Variants in KAZN observed in about 807,000 individuals in gnomAD.
KAZN encodes kazrin.
A neutral mutation model predicts 87.4 loss-of-function variants in KAZN; 40 were observed. The ratio of observed to expected loss-of-function variants is 0.46; its 90% CI spans 0.36 to 0.60. KAZN has a LOEUF of 0.60. Among genes scored for constraint, KAZN ranks in the 20% least tolerant of loss-of-function variants. The pLI is 0.00. For missense variants in KAZN, 898 were observed against 1,073.9 expected, an observed-to-expected ratio of 0.84 and a Z score of 2.29; for synonymous variants, 466 against 458.3, an observed-to-expected ratio of 1.02 and a Z score of -0.22.
intron 2 of KAZN, among the ~76,000 whole-genome samples, chr1:14,450,284 C>T (rs1667200153): frequency 1.3e-5 from 2 of 152,138 alleles, no homozygotes; most frequent in South Asian, 4.1e-4. Flanking sequence ...GCACAGGGCA[C>T]CTGATATAAA....
chr1:15,047,399 G>A (rs566818118), intron 4 of KAZN, among the ~76,000 whole-genome samples: 5 of 152,212 alleles, frequency 3.3e-5, no homozygotes, highest in Admixed American at 6.5e-5. Flanking sequence ...TGGAAGCATA[G>A]AGGGTGGGTT....
At chr1:14,015,245 C>T (rs942545284) in intron 1 of KAZN, among the ~76,000 whole-genome samples, 2 of 151,866 alleles carry the variant, frequency 1.3e-5, no homozygotes, top group Non-Finnish European at 2.9e-5. Context: ...CCAGACTTTC[C>T]TCTTCTTTTG....
chr1:14,412,735 CAAGAA>C (rs1462459737), intron 2 of KAZN, among the ~76,000 whole-genome samples: 3 of 151,398 alleles, frequency 2.0e-5, no homozygotes, highest in Non-Finnish European at 4.4e-5. Flanking sequence ...TAATTTTTAT[CAAGAA>C]TAGAATTATA....
chr1:14,361,566 C>G (rs1451016849), intron 2 of KAZN, among the ~76,000 whole-genome samples: 1 of 152,328 alleles, frequency 6.6e-6, no homozygotes, highest in East Asian at 1.9e-4. Context: ...AACCCAGGGC[C>G]CTGGTGGTGT....
chr1:13,994,858 G>A (rs1639435520), intron 1 of KAZN, among the ~76,000 whole-genome samples: 1 of 133,146 alleles, frequency 7.5e-6, no homozygotes, highest in East Asian at 2.1e-4. Context: ...TGGTGGATGG[G>A]AATGCAGCAT....
chr1:14,027,921 A>T (rs1021035626), intron 1 of KAZN, among the ~76,000 whole-genome samples: 5 of 152,218 alleles, frequency 3.3e-5, no homozygotes, highest in Non-Finnish European at 1.5e-5. Flanking sequence ...GTCATTGGGC[A>T]TGCCAGTGGG....
intron 1 of KAZN, among the ~76,000 whole-genome samples, chr1:14,158,379 T>C (rs909376491): frequency 2.0e-5 from 3 of 152,066 alleles, no homozygotes; most frequent in African/African-American, 7.2e-5. Context: ...CTTGATCAAT[T>C]CTGCTGTTAA....
chr1:14,136,844 C>A (rs962875478), intron 1 of KAZN, among the ~76,000 whole-genome samples: 2 of 152,110 alleles, frequency 1.3e-5, no homozygotes, highest in Non-Finnish European at 2.9e-5. Context: ...TGCAGTAAGC[C>A]CTGCTGGAGT....
intron 1 of KAZN, among the ~76,000 whole-genome samples, chr1:14,913,633 G>A (rs143311247): frequency 1.3e-5 from 2 of 152,348 alleles, no homozygotes; most frequent in Non-Finnish European, 2.9e-5. Flanking sequence ...GCCCATGCTG[G>A]GGCCACTGAG....
chr1:14,326,112 A>G (rs142732852), intron 2 of KAZN, among the ~76,000 whole-genome samples: 14 of 152,184 alleles, frequency 9.2e-5, no homozygotes, highest in Non-Finnish European at 1.9e-4. Context: ...CTTAATTGAC[A>G]TCTCCCCTTG....
At chr1:14,176,700 T>C (rs894569152) in intron 1 of KAZN, among the ~76,000 whole-genome samples, 6 of 152,228 alleles carry the variant, frequency 3.9e-5, no homozygotes, top group Non-Finnish European at 7.3e-5. Flanking sequence ...TGGCCTATAG[T>C]TGCCACTGTA....
At chr1:14,223,609 C>T (rs897984389) in intron 2 of KAZN, among the ~76,000 whole-genome samples, 3 of 152,162 alleles carry the variant, frequency 2.0e-5, no homozygotes, top group African/African-American at 7.2e-5. Flanking sequence ...CTTTTTAAAG[C>T]TCTCCCAAAT....
At chr1:14,070,029 C>T (rs1262160330) in intron 1 of KAZN, among the ~76,000 whole-genome samples, 1 of 151,786 alleles carries the variant, frequency 6.6e-6, no homozygotes, top group African/African-American at 2.4e-5. Flanking sequence ...ATTATCCCAG[C>T]GTGGTGGTGT....
At position 14,271,297 on chromosome 1, in the gene KAZN, C is replaced by A. The variant is rs149519908; in HGVS notation, c.249+90705C>A. Among the ~76,000 whole-genome samples, 344 of 152,284 alleles carry A rather than the reference C, an allele frequency of 2.3e-3. 1 individual carries two copies. The highest frequency in any genetic ancestry group is 7.8e-3 in the African/African-American group (324 of 41,554). ...ATTCTGAGGTTCCTGAAGGGTAGAG[C>A]TTCAGCATATAAATTTTGGTAGCAG... On this transcript the variant is annotated intron_variant, in intron 2 of 16. Coordinates refer to the KAZN transcript ENST00000636203.
rs1311582811 is a variant in KAZN, at chr1:14,599,304, C to T, written c.226+81C>T. On this transcript the variant is annotated intron_variant, in intron 1 of 14. Coordinates refer to ENST00000376030, the MANE Select transcript of KAZN (RefSeq NM_201628.3). This position sits in a 1 kb window ranked among gnomAD's most constrained non-coding sequence, Gnocchi z 4.4. ...CGGAGGTGGCCGGGGACCCGGGGTCCCCCACACCCGGGGCGAAATCGCTTT... is the reference window on the plus strand; with the variant it reads ...CGGAGGTGGCCGGGGACCCGGGGTCTCCCACACCCGGGGCGAAATCGCTTT... 4.8e-6 allele frequency: 6 copies of T among 1,256,394 alleles called. No individual in the cohort carries two copies. The East Asian group carries it at 1.6e-4, about 34-fold the overall frequency. The allele number at this position is 1,256,394 out of a possible 1,614,324, so 77.8% of individuals were successfully genotyped here.
At chr1:14,779,709 T>C (rs1645277590) in intron 1 of KAZN, among the ~76,000 whole-genome samples, 1 of 152,178 alleles carries the variant, frequency 6.6e-6, no homozygotes, top group Non-Finnish European at 1.5e-5. Context: ...GGTTTGGCTT[T>C]GTTATTTTTT....
At chr1:14,205,905 A>AAAAAAAAAAAAAAAAAAAAC (rs1557559797) in intron 2 of KAZN, among the ~76,000 whole-genome samples, 3 of 49,438 alleles carry the variant, frequency 6.1e-5, no homozygotes, top group Admixed American at 2.7e-4. Flanking sequence ...AAAAAAAAAA[A>AAAAAAAAAAAAAAAAAAAAC]AGCTACCTAA....
intron 2 of KAZN, among the ~76,000 whole-genome samples, chr1:14,557,056 G>C (rs781581170): frequency 2.0e-5 from 3 of 152,064 alleles, no homozygotes; most frequent in Non-Finnish European, 2.9e-5. Flanking sequence ...GCAAAATAAA[G>C]CTACACAAGA....
chr1:14,135,970 A>T, intron 1 of KAZN, among the ~76,000 whole-genome samples: 1 of 152,230 alleles, frequency 6.6e-6, no homozygotes, highest in East Asian at 1.9e-4. Flanking sequence ...CCCCCACTTT[A>T]CACTTGGTTC....
Sources: gnomAD v4.1 joint callset for allele counts (sites outside exome capture counted in the v4.1 genomes callset) on GRCh38, gnomAD v4.1.1 for gene constraint, Gnocchi (gnomAD v3.1) non-coding constraint, MANE v1.5 for transcripts, NCBI Gene and HGNC (gene_info 2026-07-23, HGNC 2026-07-21) for gene names.